GALNT13: variants seen among roughly 807,000 people sequenced by gnomAD.
The protein encoded by GALNT13 is UDP-GalNAc:polypeptide N-acetylgalactosaminyltransferase 13.
In GALNT13, 28 loss-of-function variants were observed where a neutral mutation model predicts 64.2. The ratio of observed to expected loss-of-function variants is 0.44; its 90% CI spans 0.32 to 0.60. The LOEUF (loss-of-function observed/expected upper bound fraction) is 0.60. Ranked by LOEUF, GALNT13 falls within the 20% of genes least tolerant of loss-of-function variation. GALNT13 has a pLI of 0.05. For missense variants in GALNT13, 577 were observed against 669.8 expected (o/e 0.86, Z 1.53); for synonymous variants, 214 against 224.6 (o/e 0.95, Z 0.42).
At chr2:153,566,636 G>A in the GALNT13 span, among the ~76,000 whole-genome samples, 7 of 152,320 alleles carry the variant, frequency 4.6e-5, no homozygotes, top group South Asian at 2.1e-4. Context: ...TTACAGGCGT[G>A]AGCCACTGCG....
At chr2:154,360,480 A>G (rs781676293) in intron 9 of GALNT13, among the ~76,000 whole-genome samples, 6 of 97,386 alleles carry the variant, frequency 6.2e-5, no homozygotes, top group Non-Finnish European at 1.4e-4. Context: ...TGTCAAAGGA[A>G]GTACCACAGA....
At chr2:153,476,859 A>G in the GALNT13 span, among the ~76,000 whole-genome samples, 1 of 152,158 alleles carries the variant, frequency 6.6e-6, no homozygotes, top group Admixed American at 6.5e-5. Flanking sequence ...CTCGCATTTT[A>G]TAATTCCCCT....
chr2:154,327,969 A>T (rs2105183406), intron 9 of GALNT13, among the ~76,000 whole-genome samples: 1 of 151,846 alleles, frequency 6.6e-6, no homozygotes, highest in Admixed American at 6.6e-5. Context: ...TGTTAACCTC[A>T]CTCTCCTATT....
At chr2:153,478,545 G>A in the GALNT13 span, 2 of 1,602,424 alleles carry the variant, frequency 1.2e-6, no homozygotes, top group South Asian at 1.1e-5. Context: ...CGTCCGTCTG[G>A]TTGCCTAGGG....
the GALNT13 span, among the ~76,000 whole-genome samples, chr2:153,800,296 G>GA: frequency 3.3e-5 from 5 of 151,990 alleles, no homozygotes; most frequent in African/African-American, 4.8e-5. Flanking sequence ...ATACCTTAAA[G>GA]AAAAAATAAT....
At chr2:153,880,919 C>T (rs1218366036) in intron 1 of GALNT13, among the ~76,000 whole-genome samples, 1 of 151,736 alleles carries the variant, frequency 6.6e-6, no homozygotes, top group South Asian at 2.1e-4. Context: ...TTCATGTAGC[C>T]AGACTGAACT....
the GALNT13 span, among the ~76,000 whole-genome samples, chr2:153,120,539 A>G: frequency 6.6e-6 from 1 of 152,190 alleles, no homozygotes; most frequent in Non-Finnish European, 1.5e-5. Flanking sequence ...ATATTGTTGG[A>G]TTCCTAATGG....
At chr2:153,507,662 T>G in the GALNT13 span, among the ~76,000 whole-genome samples, 3 of 152,206 alleles carry the variant, frequency 2.0e-5, no homozygotes, top group South Asian at 4.1e-4. Context: ...CTGAATTCTT[T>G]TTCTGGCAAT....
chr2:153,202,913 A>G, the GALNT13 span, among the ~76,000 whole-genome samples: 1 of 152,320 alleles, frequency 6.6e-6, no homozygotes, highest in African/African-American at 2.4e-5. Flanking sequence ...TATATTTTTT[A>G]TCTCACAATT....
intron 10 of GALNT13, among the ~76,000 whole-genome samples, chr2:154,402,143 G>A (rs754065968): frequency 1.3e-5 from 2 of 152,178 alleles, no homozygotes; most frequent in Non-Finnish European, 2.9e-5. Flanking sequence ...ATAAACGTAT[G>A]TTGGGATAAT....
chr2:153,540,991 T>G, the GALNT13 span, among the ~76,000 whole-genome samples: 2 of 152,078 alleles, frequency 1.3e-5, no homozygotes, highest in Non-Finnish European at 2.9e-5. Flanking sequence ...TGGAAAGGCA[T>G]GATTTTGTTT....
chr2:153,572,700 C>T, the GALNT13 span, among the ~76,000 whole-genome samples: 1 of 151,872 alleles, frequency 6.6e-6, no homozygotes, highest in African/African-American at 2.4e-5. Context: ...TTCATTGACC[C>T]ACTGGTCGTT....
At chr2:153,172,999 A>G in the GALNT13 span, among the ~76,000 whole-genome samples, 14 of 152,124 alleles carry the variant, frequency 9.2e-5, no homozygotes, top group Non-Finnish European at 5.9e-5. Context: ...AGGGAATGAG[A>G]ATAATGACTT....
the GALNT13 span, among the ~76,000 whole-genome samples, chr2:153,377,297 C>T: frequency 6.6e-6 from 1 of 152,088 alleles, no homozygotes; most frequent in Admixed American, 6.6e-5. Flanking sequence ...TTATTGAAGC[C>T]AGTCTGTGGT....
the GALNT13 span, among the ~76,000 whole-genome samples, chr2:153,774,442 G>C: frequency 6.6e-6 from 1 of 152,144 alleles, no homozygotes; most frequent in East Asian, 1.9e-4. Flanking sequence ...ATATCAGTTG[G>C]GTTTTATATA....
intron 9 of GALNT13, among the ~76,000 whole-genome samples, chr2:154,379,035 C>A (rs1259935897): frequency 6.6e-6 from 1 of 151,894 alleles, no homozygotes; most frequent in African/African-American, 2.4e-5. Flanking sequence ...ATAATAACGG[C>A]AGTAATTTCA....
At chr2:153,251,941 G>C in the GALNT13 span, among the ~76,000 whole-genome samples, 3 of 151,918 alleles carry the variant, frequency 2.0e-5, no homozygotes, top group Non-Finnish European at 4.4e-5. Context: ...ACGTGTGCCT[G>C]TGTCTTTATA....
the GALNT13 span, among the ~76,000 whole-genome samples, chr2:153,692,758 T>C: frequency 2.0e-5 from 3 of 152,196 alleles, no homozygotes; most frequent in Admixed American, 2.0e-4. Flanking sequence ...ATTCCACATA[T>C]ATTGAGGGCA....
the GALNT13 span, among the ~76,000 whole-genome samples, chr2:153,581,683 A>G: frequency 7.4e-6 from 1 of 135,030 alleles, no homozygotes; most frequent in African/African-American, 3.1e-5. Flanking sequence ...GAAAAGACAC[A>G]TAGCCATTAA....
Sources: allele counts gnomAD v4.1 joint callset (sites outside exome capture counted in the v4.1 genomes callset), GRCh38; gene constraint gnomAD v4.1.1; transcripts MANE v1.5; gene names NCBI Gene and HGNC (gene_info 2026-07-23, HGNC 2026-07-21).